Variants in SPC24 observed in about 807,000 individuals in gnomAD.
SPC24 encodes SPC24 component of NDC80 kinetochore complex.
A neutral mutation model predicts 27.6 loss-of-function variants in SPC24; 31 were observed. That is an observed-to-expected ratio of 1.12 (90% CI 0.84 to 1.52). SPC24 has a LOEUF of 1.52. Among genes scored for constraint, SPC24 ranks in the 40% most tolerant of loss-of-function variants. The probability of loss-of-function intolerance (pLI) is 0.00; values close to 1 mark genes in which losing one functional copy is unlikely to be tolerated. For missense variants in SPC24, 284 were observed against 252.5 expected, an observed-to-expected ratio of 1.12 and a Z score of -0.84; for synonymous variants, 105 against 105.8, an observed-to-expected ratio of 0.99 and a Z score of 0.05.
rs7251440 is a variant in SPC24, at chr19:11,149,078, T to A, written c.305+16A>T. 35,565 of 1,489,380 alleles carry A rather than the reference T, an allele frequency of 0.024. 1,018 individuals carry two copies. The highest frequency in any genetic ancestry group is 0.1 in the African/African-American group (7,065 of 70,624). 92.3% of individuals were successfully genotyped at this position (1,489,380 alleles called of 1,614,324 possible). ...GTGTTTTCTAGCAAGGCTGATCCCC[T>A]AGCAGAAAAGGATATAGGAGGCTGG... On this transcript the variant is annotated intron_variant, in intron 2 of 4. Transcript: ENST00000592540.
In SPC24 at chr19:11,147,576, G is replaced by A; in HGVS notation, c.487+242C>T. The A allele has an allele frequency of 1.6e-5, 9 of 574,024 alleles. No homozygotes were observed. The South Asian group carries it at 1.7e-4, about 11-fold the overall frequency. The allele number at this position is 574,024 out of a possible 1,614,324, so 35.6% of individuals were successfully genotyped here. On this transcript the variant is annotated intron_variant, in intron 4 of 4. Coordinates refer to ENST00000592540, the MANE Select transcript of SPC24 (RefSeq NM_182513.4). ...CCCAAAGTGCTGGGATTACAGGCGT[G>A]AGGTACCACACTTGGCCTGCTATAC...
At chr19:11,148,159 T>A (rs749609748) in intron 2 of SPC24, 42 bp from the exon 3 acceptor site, 1 of 1,409,984 alleles carries the variant, frequency 7.1e-7, no homozygotes, top group South Asian at 1.2e-5. Context: ...GAGAGAGGGC[T>A]GCCCCTGCGC....
In SPC24 at chr19:11,145,731, A is replaced by C. The variant is rs1277720080; in HGVS notation, c.*1452T>G. On this transcript the variant is annotated 3_prime_UTR_variant, in exon 5 of 5. Coordinates refer to ENST00000592540, the MANE Select transcript of SPC24 (RefSeq NM_182513.4). The stretch of plus-strand genomic sequence containing the variant: ...TGCCAGGGCTCCAGCCATCACACCC[A>C]CATTCCAGGAAATAGGAAGGGGGAA... 1 of 152,168 alleles carries C rather than the reference A, an allele frequency of 6.6e-6. No homozygotes were observed. Among genetic ancestry groups the C allele is most frequent in the Non-Finnish European group, 1.5e-5 (1 of 68,048 alleles). The allele number at this position is 152,168 out of a possible 1,614,324, so 9.4% of individuals were successfully genotyped here. A position where few individuals can be genotyped will look rare whatever the true frequency, so the allele number is the denominator to read the frequency against.
intron 1 of SPC24, among the ~76,000 whole-genome samples, chr19:11,153,430 CAGAGCGAG>C (rs2077887665): frequency 6.7e-6 from 1 of 150,166 alleles, no homozygotes; most frequent in South Asian, 2.1e-4. Context: ...GCCTGGGTGA[CAGAGCGAG>C]ACTCCATATC....
rs2077850720 is a variant in SPC24 at position 11,149,097 on chromosome 19, A to C, written c.302T>G (p.Leu101Arg). 6.5e-7 allele frequency: 1 copy of C among 1,528,762 alleles called. No individual in the cohort carries two copies. Among genetic ancestry groups the C allele is most frequent in the Non-Finnish European group, 8.8e-7 (1 of 1,138,642 alleles). 94.7% of individuals were successfully genotyped at this position (1,528,762 alleles called of 1,614,324 possible). A position where few individuals can be genotyped will look rare whatever the true frequency, so the allele number is the denominator to read the frequency against. ...ATCCCCTAGCAGAAAAGGATATAGG[A>C]GGCTGGCCTTCAGACGGGTGTCCTC... is the stretch of plus-strand genomic sequence containing the variant. ...GEEDTRLKAS[L>R]LQLTRELEEL... is the part of the protein sequence containing the mutation. The change falls in exon 2 of 5, where the codon CTC (leucine) becomes CGC (arginine). Residue 101 changes from leucine (L) to arginine (R), a missense_variant. Coordinates refer to ENST00000592540, the MANE Select transcript of SPC24 (RefSeq NM_182513.4).
chr19:11,152,076 A>G (rs1436118531), intron 1 of SPC24, among the ~76,000 whole-genome samples: 3 of 150,610 alleles, frequency 2.0e-5, no homozygotes, highest in Non-Finnish European at 4.4e-5. Context: ...ATGCACCACC[A>G]TGCCTGGCTA....
In SPC24 at chr19:11,147,016, G is replaced by A; in HGVS notation, c.*167C>T. The A allele has an allele frequency of 2.3e-6, 1 of 433,488 alleles. No individual in the cohort carries two copies. The highest frequency in any genetic ancestry group is 4.1e-6 in the Non-Finnish European group (1 of 241,458). 26.9% of individuals were successfully genotyped at this position (433,488 alleles called of 1,614,324 possible). A position where few individuals can be genotyped will look rare whatever the true frequency, so the allele number is the denominator to read the frequency against. On this transcript the variant is annotated 3_prime_UTR_variant, in exon 5 of 5. Coordinates refer to ENST00000592540, the MANE Select transcript of SPC24 (RefSeq NM_182513.4). Reference sequence around the variant, plus strand: ...AATCGCTTGAACCCAGGAGGCAGAGGTTGCTGTGAGCTGAGATTGTGCCAT... The same window carrying A: ...AATCGCTTGAACCCAGGAGGCAGAGATTGCTGTGAGCTGAGATTGTGCCAT...
Position 11,147,833 on chromosome 19 carries a change from C to A in SPC24, c.472G>T (p.Gly158Trp). The A allele has an allele frequency of 6.2e-7, 1 of 1,611,272 alleles. No individual in the cohort carries two copies. The highest frequency in any genetic ancestry group is 1.1e-5 in the South Asian group (1 of 90,706). ...KIEWDYECEP[G>W]MVKGIHHGPS... The stretch of plus-strand genomic sequence containing the variant: ...AAAAGGATACTGCCTTTGACCATCC[C>A]TGGCTCACACTCATAATCCCACTCA... The change falls in exon 4 of 5, where the codon GGG (glycine) becomes TGG (tryptophan). Residue 158 changes from glycine to tryptophan, a missense_variant. Coordinates refer to ENST00000592540, the MANE Select transcript of SPC24 (RefSeq NM_182513.4).
chr19:11,149,077 C>A lies in SPC24; in HGVS notation c.305+17G>T. On this transcript the variant is annotated intron_variant, in intron 2 of 4. Transcript: ENST00000592540. Reference sequence around the variant, plus strand: ...CGTGTTTTCTAGCAAGGCTGATCCCCTAGCAGAAAAGGATATAGGAGGCTG... The same window carrying A: ...CGTGTTTTCTAGCAAGGCTGATCCCATAGCAGAAAAGGATATAGGAGGCTG... The A allele has an allele frequency of 6.7e-7, 1 of 1,489,270 alleles. No homozygotes were observed. Among genetic ancestry groups the A allele is most frequent in the Non-Finnish European group, 8.9e-7 (1 of 1,117,964 alleles). The allele number at this position is 1,489,270 out of a possible 1,614,324, so 92.3% of individuals were successfully genotyped here. A position where few individuals can be genotyped will look rare whatever the true frequency, so the allele number is the denominator to read the frequency against.
At chr19:11,152,422 C>T (rs7245997) in intron 1 of SPC24, among the ~76,000 whole-genome samples, 39,415 of 152,104 alleles carry the variant, frequency 0.26, 5,614 homozygotes, top group South Asian at 0.39. Context: ...GTTGACCAGG[C>T]TGGTCTTTAA....
At chr19:11,154,473 A>G (rs1299376001) in intron 1 of SPC24, among the ~76,000 whole-genome samples, 3 of 152,144 alleles carry the variant, frequency 2.0e-5, no homozygotes, top group Non-Finnish European at 4.4e-5. Context: ...TGGGAGGCAG[A>G]GGTTGCAGTG....
intron 1 of SPC24, among the ~76,000 whole-genome samples, chr19:11,151,249 T>C (rs145686791): frequency 3.3e-5 from 5 of 151,288 alleles, no homozygotes; most frequent in Admixed American, 2.6e-4. Flanking sequence ...GAGTATGACA[T>C]GTATATGGTT....
rs1303523864 is a variant in SPC24 at position 11,146,559 on chromosome 19, A to T, written c.*624T>A. 6.9e-6 allele frequency: 1 copy of T among 145,820 alleles called. No homozygotes were observed. Among genetic ancestry groups the T allele is most frequent in the African/African-American group, 2.6e-5 (1 of 39,152 alleles). 9.0% of individuals were successfully genotyped at this position (145,820 alleles called of 1,614,324 possible). A position where few individuals can be genotyped will look rare whatever the true frequency, so the allele number is the denominator to read the frequency against. Reference sequence around the variant, plus strand: ...GGCGGGCAGATCACAAACTCAGGAGATGGAGACCATCCTGTCTAACATGGT... The same window carrying T: ...GGCGGGCAGATCACAAACTCAGGAGTTGGAGACCATCCTGTCTAACATGGT... On this transcript the variant is annotated 3_prime_UTR_variant, in exon 5 of 5. Coordinates refer to ENST00000592540, the MANE Select transcript of SPC24 (RefSeq NM_182513.4).
chr19:11,155,361 C>A (rs1432699346), intron 1 of SPC24, among the ~76,000 whole-genome samples: 1 of 152,166 alleles, frequency 6.6e-6, no homozygotes, highest in South Asian at 2.1e-4. Flanking sequence ...CTCCTGCTCA[C>A]GGAGAGCTCA....
intron 1 of SPC24, among the ~76,000 whole-genome samples, chr19:11,151,792 C>T (rs148362484): frequency 0.02 from 2,952 of 150,016 alleles, 37 homozygotes; most frequent in Middle Eastern, 0.049. Context: ...ATATTTTTAC[C>T]GGAGACGGTG....
intron 2 of SPC24, among the ~76,000 whole-genome samples, 198 bp from the exon 3 acceptor site, chr19:11,148,315 C>T (rs1224225879): frequency 6.6e-6 from 1 of 151,972 alleles, no homozygotes; most frequent in Non-Finnish European, 1.5e-5. Flanking sequence ...TGAAGTGATT[C>T]TGGAGCCCCT....
chr19:11,147,193 GTGTCCACCAGACTCCAGA>G lies in SPC24; in HGVS notation c.566_583del (p.Leu189_Thr195delinsPro). The G allele has an allele frequency of 6.4e-7, 1 of 1,552,496 alleles. No individual in the cohort carries two copies. Among genetic ancestry groups the G allele is most frequent in the Non-Finnish European group, 8.7e-7 (1 of 1,147,358 alleles). ...CCACGAGGCTCCTGGCTACCACTCG[GTGTCCACCAGACTCCAGA>G]GGTAGTCGCTGATGAATTTCCTGGA... On this transcript the variant is annotated inframe_deletion, in exon 5 of 5. Coordinates refer to ENST00000592540, the MANE Select transcript of SPC24 (RefSeq NM_182513.4).
rs201903031 is a variant in SPC24 at position 11,151,384 on chromosome 19, ATGC to A, written c.161-2149_161-2147del. On this transcript the variant is annotated intron_variant, in intron 1 of 4. Transcript: ENST00000592540. ...TCCACATTTCTAAGTTAACTTGCTTATGCTGCTATTTCTTGATCGGTCTGGTTC... is the reference window on the plus strand; with the variant it reads ...TCCACATTTCTAAGTTAACTTGCTTATGCTATTTCTTGATCGGTCTGGTTC... Among the ~76,000 whole-genome samples, 908 of 152,180 alleles carry A rather than the reference ATGC, an allele frequency of 6.0e-3. 12 individuals are homozygous for A. Among genetic ancestry groups the A allele is most frequent in the African/African-American group, 0.021 (878 of 41,526 alleles).
Position 11,146,927 on chromosome 19 carries a change from A to G in SPC24, c.*256T>C, listed in dbSNP as rs1464472521. On this transcript the variant is annotated 3_prime_UTR_variant, in exon 5 of 5. Coordinates refer to ENST00000592540, the MANE Select transcript of SPC24 (RefSeq NM_182513.4). ...GAAACTCCATCTCTACCAAATACAAAAAATTAGCTGGGTGTGGTGGCGCAT... is the reference window on the plus strand; with the variant it reads ...GAAACTCCATCTCTACCAAATACAAGAAATTAGCTGGGTGTGGTGGCGCAT... The G allele has an allele frequency of 4.3e-6, 1 of 233,444 alleles. No homozygotes were observed. Among genetic ancestry groups the G allele is most frequent in the Non-Finnish European group, 8.5e-6 (1 of 118,048 alleles). 14.5% of individuals were successfully genotyped at this position (233,444 alleles called of 1,614,324 possible).
Sources: allele counts gnomAD v4.1 joint callset (sites outside exome capture counted in the v4.1 genomes callset), GRCh38; gene constraint gnomAD v4.1.1; transcripts MANE v1.5; gene names NCBI Gene and HGNC (gene_info 2026-07-23, HGNC 2026-07-21).